DOK6: variants seen among roughly 807,000 people sequenced by gnomAD.
DOK6 encodes the protein docking protein 6.
In DOK6, 22 loss-of-function variants were observed where a neutral mutation model predicts 44.0. The observed-to-expected ratio is 0.50, with a 90% CI of 0.36 to 0.71. The LOEUF (loss-of-function observed/expected upper bound fraction) is 0.71. Among genes scored for constraint, DOK6 ranks in the 30% least tolerant of loss-of-function variants. The pLI is 0.00. For missense variants in DOK6, 340 were observed against 416.4 expected (o/e 0.82, Z 1.60); for synonymous variants, 166 against 145.5 (o/e 1.14, Z -1.01).
chr18:69,824,941 T>C (rs1379886699), intron 7 of DOK6, among the ~76,000 whole-genome samples: 1 of 152,242 alleles, frequency 6.6e-6, no homozygotes, highest in Non-Finnish European at 1.5e-5. Context: ...GCTTTTGTAC[T>C]TAGAAAAATC....
At chr18:69,531,849 G>C (rs911184757) in intron 1 of DOK6, among the ~76,000 whole-genome samples, 1 of 152,100 alleles carries the variant, frequency 6.6e-6, no homozygotes, top group African/African-American at 2.4e-5. Context: ...GAAGAGCCCT[G>C]TTATGGACTG....
intron 1 of DOK6, among the ~76,000 whole-genome samples, chr18:69,408,232 G>C (rs1290357510): frequency 6.6e-6 from 1 of 152,154 alleles, no homozygotes; most frequent in South Asian, 2.1e-4. Context: ...AAGTCAAGAT[G>C]CTTTCTTTGG....
chr18:69,425,515 A>G (rs1339087897), intron 1 of DOK6, among the ~76,000 whole-genome samples: 1 of 152,026 alleles, frequency 6.6e-6, no homozygotes, highest in Admixed American at 6.6e-5. Flanking sequence ...CCACAATGAT[A>G]TATGTCCTTT....
intron 5 of DOK6, among the ~76,000 whole-genome samples, chr18:69,735,138 G>T (rs947609544): frequency 2.6e-5 from 4 of 152,168 alleles, no homozygotes; most frequent in African/African-American, 9.7e-5. Flanking sequence ...GAACATAACA[G>T]ATAAGTCTGA....
chr18:69,697,307 C>T (rs1402146267), intron 4 of DOK6, among the ~76,000 whole-genome samples: 1 of 152,152 alleles, frequency 6.6e-6, no homozygotes, highest in African/African-American at 2.4e-5. Flanking sequence ...TGCAGCTGCA[C>T]TATTTCATCT....
At chr18:69,575,030 C>T (rs541291979) in intron 2 of DOK6, among the ~76,000 whole-genome samples, 10 of 152,024 alleles carry the variant, frequency 6.6e-5, no homozygotes, top group African/African-American at 9.7e-5. Context: ...CCCTTCAGGC[C>T]ATGGTGAAAA....
At chr18:69,809,808 A>G (rs28895993) in intron 7 of DOK6, among the ~76,000 whole-genome samples, 7,940 of 151,990 alleles carry the variant, frequency 0.052, 263 homozygotes, top group South Asian at 0.1. Context: ...AGAAAACCAC[A>G]TAACATTGAT....
intron 1 of DOK6, among the ~76,000 whole-genome samples, chr18:69,512,634 G>A (rs1055318503): frequency 6.6e-6 from 1 of 152,086 alleles, no homozygotes; most frequent in African/African-American, 2.4e-5. Flanking sequence ...GTGAGCCACC[G>A]CGCCTGGCCA....
At chr18:69,630,044 A>G (rs1984654905) in intron 3 of DOK6, among the ~76,000 whole-genome samples, 1 of 152,100 alleles carries the variant, frequency 6.6e-6, no homozygotes, top group South Asian at 2.1e-4. Flanking sequence ...TATGGTCTTT[A>G]ACATACCCTC....
At chr18:69,717,961 AT>A (rs375521261) in intron 5 of DOK6, among the ~76,000 whole-genome samples, 33 of 152,338 alleles carry the variant, frequency 2.2e-4, no homozygotes, top group Admixed American at 5.2e-4. Context: ...AAATAAAAAA[AT>A]ATTAATAGAG....
intron 6 of DOK6, among the ~76,000 whole-genome samples, chr18:69,752,239 T>A (rs1305191853): frequency 6.6e-6 from 1 of 152,112 alleles, no homozygotes; most frequent in Non-Finnish European, 1.5e-5. Flanking sequence ...TGAAAGGACT[T>A]ATAAAAATGT....
At chr18:69,821,760 A>G (rs969923988) in intron 7 of DOK6, among the ~76,000 whole-genome samples, 11 of 147,426 alleles carry the variant, frequency 7.5e-5, no homozygotes, top group African/African-American at 2.2e-4. Flanking sequence ...ATTTTTTTCC[A>G]TTTCATATTT....
At chr18:69,617,298 A>G (rs1984307951) in intron 3 of DOK6, among the ~76,000 whole-genome samples, 1 of 151,302 alleles carries the variant, frequency 6.6e-6, no homozygotes, top group Non-Finnish European at 1.5e-5. Context: ...CCAGCCTGAC[A>G]GAGACAAAGA....
chr18:69,604,275 A>G (rs1348195540), intron 3 of DOK6, among the ~76,000 whole-genome samples: 2 of 152,208 alleles, frequency 1.3e-5, no homozygotes, highest in Non-Finnish European at 2.9e-5. Flanking sequence ...ACCTCTTGCT[A>G]ACAAAGACTG....
chr18:69,647,137 T>C (rs536286830), intron 3 of DOK6, among the ~76,000 whole-genome samples: 3 of 131,684 alleles, frequency 2.3e-5, no homozygotes, highest in Non-Finnish European at 3.4e-5. Context: ...CCTGTCTATC[T>C]ATCTACCCTA....
intron 3 of DOK6, among the ~76,000 whole-genome samples, chr18:69,607,504 A>C (rs558782315): frequency 1.6e-5 from 2 of 128,206 alleles, no homozygotes; most frequent in South Asian, 4.5e-4. Flanking sequence ...TGGATATAAA[A>C]AAAATTAAAA....
intron 1 of DOK6, among the ~76,000 whole-genome samples, chr18:69,475,466 A>C (rs977070887): frequency 1.3e-5 from 2 of 152,204 alleles, no homozygotes; most frequent in African/African-American, 2.4e-5. Flanking sequence ...ATAGGAAAAC[A>C]TTATCACAGA....
In DOK6 at chr18:69,846,017, A is replaced by G. The variant is rs1385169393; in HGVS notation, c.*4634A>G. ...GACAAGCTCACACTCTCATGTGTGCATTCTCTATTAACATATTTGGAAGAT... is the reference window on the plus strand; with the variant it reads ...GACAAGCTCACACTCTCATGTGTGCGTTCTCTATTAACATATTTGGAAGAT... On this transcript the variant is annotated 3_prime_UTR_variant, in exon 8 of 8. Transcript: ENST00000382713. 1.3e-5 allele frequency: 2 copies of G among 152,206 alleles called. No individual in the cohort carries two copies. The highest frequency in any genetic ancestry group is 2.9e-5 in the Non-Finnish European group (2 of 68,032). The allele number at this position is 152,206 out of a possible 1,614,324, so 9.4% of individuals were successfully genotyped here.
chr18:69,570,950 G>T (rs553198182), intron 2 of DOK6, among the ~76,000 whole-genome samples: 2 of 152,076 alleles, frequency 1.3e-5, no homozygotes, highest in African/African-American at 4.8e-5. Flanking sequence ...TATACCAGAG[G>T]ACTTGAATCT....
Sources: gnomAD v4.1 joint callset for allele counts (sites outside exome capture counted in the v4.1 genomes callset) on GRCh38, gnomAD v4.1.1 for gene constraint, MANE v1.5 for transcripts, NCBI Gene and HGNC (gene_info 2026-07-23, HGNC 2026-07-21) for gene names.